The following SLC29A4 variants were observed in gnomAD, a reference collection of about 807,000 sequenced individuals.
The protein encoded by SLC29A4 is solute carrier family 29 member 4.
A neutral mutation model predicts 43.9 loss-of-function variants in SLC29A4; 36 were observed. That is an observed-to-expected ratio of 0.82 (90% CI 0.63 to 1.08). The LOEUF is 1.08. Ranked by LOEUF, SLC29A4 falls within the 50% of genes least tolerant of loss-of-function variation. The pLI is 0.00. For missense variants in SLC29A4, 869 were observed against 755.3 expected (o/e 1.15, Z -1.77); for synonymous variants, 491 against 338.0 (o/e 1.45, Z -4.97).
In SLC29A4 at chr7:5,297,086, T is replaced by G; in HGVS notation, c.770T>G (p.Phe257Cys). 6.2e-7 allele frequency: 1 copy of G among 1,607,966 alleles called. No homozygotes were observed. Among genetic ancestry groups the G allele is most frequent in the Non-Finnish European group, 8.5e-7 (1 of 1,179,782 alleles). Residue 257 changes from phenylalanine (F) to cysteine (C), a missense_variant, in exon 7 of 11, where the codon TTC becomes TGC. Coordinates refer to ENST00000396872, the MANE Select transcript of SLC29A4 (RefSeq NM_153247.4). ...LLHLLVRRSR[F>C]VLFYTTRPRD... ...CACCTGTTAGTGCGGCGCAGCCGCTTCGTGCTCTTCTATACCACACGGCCG... is the reference window on the plus strand; with the variant it reads ...CACCTGTTAGTGCGGCGCAGCCGCTGCGTGCTCTTCTATACCACACGGCCG...
chr7:5,290,312 C>G (rs1485021459), intron 2 of SLC29A4, among the ~76,000 whole-genome samples: 1 of 152,106 alleles, frequency 6.6e-6, no homozygotes, highest in Non-Finnish European at 1.5e-5. Flanking sequence ...ATCCGCCCGT[C>G]TTGGCCTCCC....
rs777183763 is a variant in SLC29A4, at chr7:5,290,867, G to T, written c.301+4G>T. On this transcript the variant is annotated splice_donor_region_variant and intron_variant, in intron 3 of 10. Transcript: ENST00000396872. ...TACCTGCATCACAAGTACCCAGGTG[G>T]GTCCCTCCACGGTCACGCCCAGCCA... is the stretch of plus-strand genomic sequence containing the variant. The T allele has an allele frequency of 6.2e-7, 1 of 1,608,750 alleles. No homozygotes were observed.
chr7:5,301,448 G>C (rs1364498605), intron 10 of SLC29A4, among the ~76,000 whole-genome samples: 1 of 152,072 alleles, frequency 6.6e-6, no homozygotes, highest in Non-Finnish European at 1.5e-5. Context: ...ACCTGGAGGA[G>C]GTAGCAAGGG....
In SLC29A4 at chr7:5,305,634, T is replaced by C. The variant is rs562698141; in HGVS notation, c.*2695T>C. On this transcript the variant is annotated 3_prime_UTR_variant, in exon 11 of 11. Coordinates refer to ENST00000396872, the MANE Select transcript of SLC29A4 (RefSeq NM_153247.4). Reference sequence around the variant, plus strand: ...GTGCAATGGCTCGATTTCAGCTCACTGCAACCTCTGCCTGCCGGGTTCAAG... The same window carrying C: ...GTGCAATGGCTCGATTTCAGCTCACCGCAACCTCTGCCTGCCGGGTTCAAG... 2.1e-5 allele frequency: 3 copies of C among 144,282 alleles called. No individual in the cohort carries two copies. The East Asian group carries it at 6.9e-4, about 33-fold the overall frequency. 8.9% of individuals were successfully genotyped at this position (144,282 alleles called of 1,614,324 possible).
chr7:5,289,973 C>T lies in SLC29A4; in HGVS notation c.170-759C>T, dbSNP rs188852271. ...CAACCTTGGCTCACTGCAACCTCCA[C>T]CTCCTGGGGTCAAATGATTCTCCTG... On this transcript the variant is annotated intron_variant, in intron 2 of 10. Transcript: ENST00000396872. Among the ~76,000 whole-genome samples, 79 of 152,240 alleles carry T rather than the reference C, an allele frequency of 5.2e-4. 1 individual carries two copies. Among genetic ancestry groups the T allele is most frequent in the African/African-American group, 1.9e-3 (79 of 41,520 alleles).
rs1275974179 is a variant in SLC29A4 at position 5,282,972 on chromosome 7, G to T, written c.-119G>T. The T allele has an allele frequency of 7.6e-6, 1 of 132,132 alleles. No homozygotes were observed. The allele number at this position is 132,132 out of a possible 1,614,324, so 8.2% of individuals were successfully genotyped here. On this transcript the variant is annotated 5_prime_UTR_variant, in exon 1 of 11. Transcript: ENST00000396872. ...CTCGTCGCCGCGCTCGTGGACCGGG[G>T]CCGGGCGGACTCGGGGACCGGCGGA...
chr7:5,290,052 A>AATT (rs1785205718), intron 2 of SLC29A4, among the ~76,000 whole-genome samples: 1 of 117,258 alleles, frequency 8.5e-6, no homozygotes, highest in African/African-American at 3.3e-5. Context: ...TGCCCAGCTA[A>AATT]TTTTTTTTTT....
At chr7:5,290,052 ATTTTT>A (rs386409422) in intron 2 of SLC29A4, among the ~76,000 whole-genome samples, 1 of 117,258 alleles carries the variant, frequency 8.5e-6, no homozygotes. Flanking sequence ...TGCCCAGCTA[ATTTTT>A]TTTTTTTTTT....
intron 1 of SLC29A4, among the ~76,000 whole-genome samples, chr7:5,285,802 A>C (rs1784908372): frequency 1.3e-5 from 2 of 152,158 alleles, no homozygotes; most frequent in South Asian, 4.1e-4. Context: ...ACTTGAGCCC[A>C]GGAGTTCAAG....
At chr7:5,284,952 C>T (rs930642375) in intron 1 of SLC29A4, among the ~76,000 whole-genome samples, 5 of 152,218 alleles carry the variant, frequency 3.3e-5, no homozygotes, top group African/African-American at 9.6e-5. Context: ...GGGGCTCTTG[C>T]TGAACACAGA....
In SLC29A4 at chr7:5,296,980, C is replaced by A. The variant is rs760410021; in HGVS notation, c.664C>A (p.Leu222Met). The stretch of plus-strand genomic sequence containing the variant: ...CTCTCTGAGCCGCATCCTCACGAAG[C>A]TGCTGCTGCCCGACGAGCGCGCCAG... ...MISLSRILTK[L>M]LLPDERASTL... Residue 222 changes from leucine to methionine, a missense_variant, in exon 7 of 11, where the codon CTG (leucine) becomes ATG (methionine). Transcript: ENST00000396872. The A allele has an allele frequency of 6.2e-7, 1 of 1,602,120 alleles. No homozygotes were observed. Among genetic ancestry groups the A allele is most frequent in the Non-Finnish European group, 8.5e-7 (1 of 1,179,358 alleles).
At position 5,291,154 on chromosome 7, in the gene SLC29A4, C is replaced by T. The variant is rs753634614; in HGVS notation, c.332C>T (p.Thr111Ile). The change falls in exon 4 of 11, where the codon ACC becomes ATC. Residue 111 changes from threonine to isoleucine, a missense_variant. Transcript: ENST00000396872. ...TCCATCGTGTTTGACATGAGCCTCA[C>T]CTACATCTTGGTGGCACTGGCAGCT... Reference protein sequence around the residue: ...GTSIVFDMSLTYILVALAAVL... With the variant: ...GTSIVFDMSLIYILVALAAVL... The T allele has an allele frequency of 1.2e-6, 2 of 1,613,976 alleles. No individual in the cohort carries two copies. Among genetic ancestry groups the T allele is most frequent in the South Asian group, 2.2e-5 (2 of 91,080 alleles).
rs1361153923 is a variant in SLC29A4, at chr7:5,302,849, G to C, written c.1503G>C (p.Val501=). ...YMSGLTLGSA[V]AYCTYSLTRD... is the part of the protein sequence containing the mutation. ...CAGGGCTGACGCTGGGGTCCGCCGT[G>C]GCCTACTGCACCTACAGCCTCACCC... Residue 501 remains valine, a synonymous_variant, in exon 11 of 11, where the codon GTG becomes GTC. Coordinates refer to ENST00000396872, the MANE Select transcript of SLC29A4 (RefSeq NM_153247.4). 1.3e-6 allele frequency: 2 copies of C among 1,593,390 alleles called. No homozygotes were observed. Among genetic ancestry groups the C allele is most frequent in the Non-Finnish European group, 1.7e-6 (2 of 1,170,404 alleles).
chr7:5,287,144 GCAGTGGCT>G (rs1562440307), intron 1 of SLC29A4, among the ~76,000 whole-genome samples: 1 of 152,214 alleles, frequency 6.6e-6, no homozygotes, highest in African/African-American at 2.4e-5. Context: ...AGGGCTGGGC[GCAGTGGCT>G]CAGTGGCTTA....
At chr7:5,294,060 C>A (rs185305795) in intron 5 of SLC29A4, among the ~76,000 whole-genome samples, 2 of 151,654 alleles carry the variant, frequency 1.3e-5, no homozygotes, top group African/African-American at 4.8e-5. Flanking sequence ...GAGCCGAGAT[C>A]GCACCACTGC....
At chr7:5,299,793 G>A (rs1786005105) in intron 9 of SLC29A4, among the ~76,000 whole-genome samples, 1 of 152,264 alleles carries the variant, frequency 6.6e-6, no homozygotes, top group South Asian at 2.1e-4. Context: ...GCTTATGCCT[G>A]TAATCCTAGC....
rs1175167543 is a variant in SLC29A4 at position 5,287,948 on chromosome 7, C to T, written c.132C>T (p.Gly44=). The change falls in exon 2 of 11, where the codon GGC becomes GGT. Residue 44 remains glycine, a synonymous_variant. Coordinates refer to ENST00000396872, the MANE Select transcript of SLC29A4 (RefSeq NM_153247.4). ...CGGCGGAGGCGGCTCAGGGCCAGGG[C>T]CTTAGGGCCAGGGGCGTCCCAGCTT... The part of the protein sequence containing the change: ...EEAAEAAQGQ[G]LRARGVPAFT... The T allele has an allele frequency of 3.7e-6, 6 of 1,611,170 alleles. No homozygotes were observed. Among genetic ancestry groups the T allele is most frequent in the South Asian group, 3.3e-5 (3 of 90,944 alleles).
At chr7:5,296,757 G>A (rs1000589248) in intron 6 of SLC29A4, among the ~76,000 whole-genome samples, 179 bp from the exon 7 acceptor site, 128 of 130,950 alleles carry the variant, frequency 9.8e-4, no homozygotes, top group Middle Eastern at 7.6e-3. Flanking sequence ...GTGATGGGCG[G>A]GGCCTGTGGG....
At chr7:5,284,268 CCCTGCCTTGCCCATAGCAGTGTTAAGTGG>C (rs1273862692) in intron 1 of SLC29A4, among the ~76,000 whole-genome samples, 6 of 152,160 alleles carry the variant, frequency 3.9e-5, no homozygotes, top group African/African-American at 1.4e-4. Context: ...GCGGTGGGAG[CCCTGCCTTGCCCATAGCAGTGTTAAGTGG>C]CAGCTTGTGC....
Sources: allele counts gnomAD v4.1 joint callset (sites outside exome capture counted in the v4.1 genomes callset), GRCh38; gene constraint gnomAD v4.1.1; transcripts MANE v1.5; gene names NCBI Gene and HGNC (gene_info 2026-07-23, HGNC 2026-07-21).